Variants in ABTB3 observed in about 807,000 individuals in gnomAD.
ABTB3 encodes the protein ankyrin repeat- and BTB/POZ domain-containing protein 3.
chr12:107,423,435 C>A, the ABTB3 span, among the ~76,000 whole-genome samples: 1 of 152,178 alleles, frequency 6.6e-6, no homozygotes, highest in Non-Finnish European at 1.5e-5. Flanking sequence ...GTTCTCTAAC[C>A]ACCTGAAGAG....
the ABTB3 span, among the ~76,000 whole-genome samples, chr12:107,463,012 T>C: frequency 2.6e-5 from 4 of 151,334 alleles, no homozygotes; most frequent in African/African-American, 9.7e-5. Context: ...GTGATAGTGA[T>C]AATGGTAGTG....
the ABTB3 span, among the ~76,000 whole-genome samples, chr12:107,586,404 A>C: frequency 6.6e-6 from 1 of 152,114 alleles, no homozygotes; most frequent in African/African-American, 2.4e-5. Context: ...AGCCTCTCAC[A>C]GAGTCAGAAA....
chr12:107,659,545 C>A, the ABTB3 span: 1 of 152,242 alleles, frequency 6.6e-6, no homozygotes, highest in Non-Finnish European at 1.5e-5. Context: ...TAGTTCAGGG[C>A]CTCCAGGCAT....
At chr12:107,471,095 C>T in the ABTB3 span, among the ~76,000 whole-genome samples, 9 of 152,216 alleles carry the variant, frequency 5.9e-5, no homozygotes, top group Non-Finnish European at 8.8e-5. Context: ...AGTGCATAGT[C>T]AGTGCTCAGC....
At chr12:107,396,775 T>C in the ABTB3 span, among the ~76,000 whole-genome samples, 1 of 152,166 alleles carries the variant, frequency 6.6e-6, no homozygotes, top group Non-Finnish European at 1.5e-5. Context: ...AAAATCCCTC[T>C]TGGTAGCCAC....
chr12:107,586,270 T>C, the ABTB3 span, among the ~76,000 whole-genome samples: 9 of 152,220 alleles, frequency 5.9e-5, no homozygotes, highest in East Asian at 1.7e-3. Context: ...CCCCCAGTCA[T>C]GTCCACACGT....
the ABTB3 span, among the ~76,000 whole-genome samples, chr12:107,367,095 C>T: frequency 2.6e-5 from 4 of 152,198 alleles, no homozygotes; most frequent in Non-Finnish European, 4.4e-5. Flanking sequence ...TGGTACAGTC[C>T]GGTTCTTGTC....
chr12:107,384,974 GCT>G, the ABTB3 span, among the ~76,000 whole-genome samples: 1 of 152,222 alleles, frequency 6.6e-6, no homozygotes, highest in South Asian at 2.1e-4. Context: ...ATGTCATGTA[GCT>G]TTTTCTTCGC....
chr12:107,548,168 A>C, the ABTB3 span, among the ~76,000 whole-genome samples: 7 of 130,536 alleles, frequency 5.4e-5, no homozygotes, highest in African/African-American at 2.2e-4. Flanking sequence ...ATTTGGAGTT[A>C]TTTCTTTCTC....
At chr12:107,405,978 C>G in the ABTB3 span, among the ~76,000 whole-genome samples, 1 of 152,158 alleles carries the variant, frequency 6.6e-6, no homozygotes, top group African/African-American at 2.4e-5. Context: ...TACTTTCTCC[C>G]CTCTAGTTTG....
At chr12:107,464,804 C>T in the ABTB3 span, among the ~76,000 whole-genome samples, 2 of 152,192 alleles carry the variant, frequency 1.3e-5, no homozygotes, top group Non-Finnish European at 1.5e-5. Flanking sequence ...CTCCCTCTCC[C>T]TTGCACCCAG....
At chr12:107,617,363 T>A in the ABTB3 span, 3 of 1,614,154 alleles carry the variant, frequency 1.9e-6, no homozygotes, top group South Asian at 3.3e-5. Flanking sequence ...AGGAACCATG[T>A]ACAGGAATGG....
chr12:107,319,084 C>A, the ABTB3 span: 1 of 1,610,770 alleles, frequency 6.2e-7, no homozygotes, highest in Non-Finnish European at 8.5e-7. Context: ...CCCCGTATGG[C>A]GGGAGCTGCT....
At chr12:107,562,487 G>C in the ABTB3 span, among the ~76,000 whole-genome samples, 1 of 152,218 alleles carries the variant, frequency 6.6e-6, no homozygotes, top group South Asian at 2.1e-4. Flanking sequence ...AAACATTCTT[G>C]GCACATGCCA....
At chr12:107,326,989 T>C in the ABTB3 span, among the ~76,000 whole-genome samples, 1 of 152,220 alleles carries the variant, frequency 6.6e-6, no homozygotes, top group African/African-American at 2.4e-5. Flanking sequence ...GGGAGGATTT[T>C]CTTTGTTATT....
the ABTB3 span, among the ~76,000 whole-genome samples, chr12:107,347,779 A>G: frequency 1.3e-5 from 2 of 152,270 alleles, no homozygotes; most frequent in Middle Eastern, 3.4e-3. Context: ...TTGATGGGAG[A>G]GTCACAAGGT....
chr12:107,453,138 C>A, the ABTB3 span, among the ~76,000 whole-genome samples: 2 of 152,150 alleles, frequency 1.3e-5, no homozygotes, highest in Non-Finnish European at 2.9e-5. Flanking sequence ...ACTTAAGGAA[C>A]CAAGGGGAGG....
chr12:107,365,713 T>C, the ABTB3 span, among the ~76,000 whole-genome samples: 1 of 152,210 alleles, frequency 6.6e-6, no homozygotes, highest in Admixed American at 6.5e-5. Context: ...GGAGATGTGC[T>C]GTGATATTGG....
chr12:107,450,284 G>T, the ABTB3 span, among the ~76,000 whole-genome samples: 1 of 152,166 alleles, frequency 6.6e-6, no homozygotes. Flanking sequence ...GCAAGGGAAA[G>T]CTTCCCCTTC....
Sources: allele counts gnomAD v4.1 joint callset (sites outside exome capture counted in the v4.1 genomes callset), GRCh38; gene constraint gnomAD v4.1.1; transcripts MANE v1.5; gene names NCBI Gene and HGNC (gene_info 2026-07-23, HGNC 2026-07-21).